Variants in CUX1 observed in about 807,000 individuals in gnomAD.
The protein encoded by CUX1 is cut like homeobox 1.
Under a neutral mutation model 158.8 loss-of-function variants are expected in CUX1, and 31 were observed. The ratio of observed to expected loss-of-function variants is 0.20; its 90% CI spans 0.15 to 0.26. CUX1 has a LOEUF of 0.26. Among genes scored for constraint, CUX1 ranks in the 10% least tolerant of loss-of-function variants. The pLI is 1.00. For missense variants in CUX1, 1,589 were observed against 2,014.6 expected, an observed-to-expected ratio of 0.79 and a Z score of 4.04; for synonymous variants, 879 against 862.1, an observed-to-expected ratio of 1.02 and a Z score of -0.34.
chr7:102,115,392 C>A, intron 8 of CUX1, 119 bp downstream of exon 8: 1 of 812,342 alleles, frequency 1.2e-6, no homozygotes, highest in Non-Finnish European at 2.0e-6. Flanking sequence ...CAGTGTATTT[C>A]CCATGAGTTA....
chr7:102,181,000 G>C (rs1793027597), intron 11 of CUX1, among the ~76,000 whole-genome samples: 1 of 150,892 alleles, frequency 6.6e-6, no homozygotes, highest in Non-Finnish European at 1.5e-5. Context: ...AGGGTGCGAT[G>C]GCGCCATCTC....
intron 1 of CUX1, among the ~76,000 whole-genome samples, chr7:101,867,634 G>A (rs1038057640): frequency 2.6e-5 from 4 of 152,194 alleles, no homozygotes; most frequent in Admixed American, 6.5e-5. Flanking sequence ...GCTGCTGCCC[G>A]TGGTGGCTCC....
intron 8 of CUX1, among the ~76,000 whole-genome samples, chr7:102,117,541 C>G (rs1170887809): frequency 6.6e-6 from 1 of 151,940 alleles, no homozygotes; most frequent in Non-Finnish European, 1.5e-5. Context: ...AAGGTGAGGG[C>G]CCCCTCGAGG....
At chr7:101,851,683 C>T (rs973246366) in intron 1 of CUX1, among the ~76,000 whole-genome samples, 2 of 152,154 alleles carry the variant, frequency 1.3e-5, no homozygotes, top group Non-Finnish European at 2.9e-5. Context: ...TTTTCTTCTT[C>T]TTCTCAGATT....
At chr7:101,995,271 C>T (rs1443434353) in intron 2 of CUX1, among the ~76,000 whole-genome samples, 1 of 152,196 alleles carries the variant, frequency 6.6e-6, no homozygotes, top group Non-Finnish European at 1.5e-5. Flanking sequence ...CGCCATGGCT[C>T]ACTTATCCCT....
chr7:101,865,744 C>T (rs1025987662), intron 1 of CUX1, among the ~76,000 whole-genome samples: 1 of 152,202 alleles, frequency 6.6e-6, no homozygotes, highest in Admixed American at 6.5e-5. Context: ...ACGGGACGTG[C>T]GCACTCATTC....
At chr7:102,197,839 A>G (rs1450654584) in intron 15 of CUX1, among the ~76,000 whole-genome samples, 1 of 152,136 alleles carries the variant, frequency 6.6e-6, no homozygotes, top group Non-Finnish European at 1.5e-5. Flanking sequence ...TCCATTAGTG[A>G]TTTGTTTAGC....
At position 102,043,323 on chromosome 7, in the gene CUX1, C is replaced by CTGTGTGTGTGTGTG. The variant is rs57276921; in HGVS notation, c.189+15212_189+15225dup. 1.3e-3 allele frequency among the ~76,000 whole-genome samples: 176 copies of CTGTGTGTGTGTGTG among 139,140 alleles called. 1 individual carries two copies. The highest frequency in any genetic ancestry group is 3.2e-3 in the African/African-American group (119 of 37,626). The allele number at this position is 139,140 out of a possible 152,430, so 91.3% of individuals were successfully genotyped here. On this transcript the variant is annotated intron_variant, in intron 3 of 23. Coordinates refer to ENST00000292535, the MANE Select transcript of CUX1 (RefSeq NM_181552.4). ...ATCTGACAACATACCCATTAGCTCA[C>CTGTGTGTGTGTGTG]TGTGTGTGTGTGTGTGTGTGTGTGT...
intron 19 of CUX1, among the ~76,000 whole-genome samples, chr7:102,280,529 C>T (rs1791983735): frequency 6.6e-6 from 1 of 152,210 alleles, no homozygotes; most frequent in African/African-American, 2.4e-5. Flanking sequence ...CCCACCCAGA[C>T]TGCAGAAGTT....
rs74490303 is a variant in CUX1 at position 101,863,076 on chromosome 7, A to G, written c.30+45407A>G. On this transcript the variant is annotated intron_variant, in intron 1 of 23. Transcript: ENST00000292535. ...ACTTAAATTTTGAAACAAATCCCAG[A>G]CATCATATCTTTTGCCATCCACAGA... Among the ~76,000 whole-genome samples, 1,144 of 152,256 alleles carry G rather than the reference A, an allele frequency of 7.5e-3. 19 individuals are homozygous for G. The highest frequency in any genetic ancestry group is 0.026 in the African/African-American group (1,100 of 41,540).
At chr7:102,037,823 G>A (rs1821618704) in intron 3 of CUX1, among the ~76,000 whole-genome samples, 1 of 152,008 alleles carries the variant, frequency 6.6e-6, no homozygotes, top group Non-Finnish European at 1.5e-5. Context: ...GGGAGGCTGA[G>A]GCAGGCGGAT....
intron 1 of CUX1, among the ~76,000 whole-genome samples, chr7:101,903,504 T>C (rs906697352): frequency 6.6e-6 from 1 of 152,180 alleles, no homozygotes; most frequent in African/African-American, 2.4e-5. Context: ...AACAGAGCAG[T>C]AAAGAATACT....
chr7:102,049,465 G>A (rs1226018323), intron 3 of CUX1, among the ~76,000 whole-genome samples: 1 of 152,190 alleles, frequency 6.6e-6, no homozygotes, highest in Non-Finnish European at 1.5e-5. Flanking sequence ...TGTAAAGCCT[G>A]AAGAGTGTCT....
At chr7:102,019,781 A>G (rs894867006) in intron 2 of CUX1, among the ~76,000 whole-genome samples, 9 of 152,196 alleles carry the variant, frequency 5.9e-5, no homozygotes, top group African/African-American at 2.2e-4. Context: ...AAATGGCACA[A>G]AGACATTTAA....
intron 1 of CUX1, among the ~76,000 whole-genome samples, chr7:101,856,789 G>A (rs528480870): frequency 1.3e-5 from 2 of 152,268 alleles, no homozygotes; most frequent in South Asian, 4.1e-4. Context: ...CCTTGTCATC[G>A]TTAAACTGAA....
chr7:101,885,604 G>C (rs1800141967), intron 1 of CUX1, among the ~76,000 whole-genome samples: 1 of 152,086 alleles, frequency 6.6e-6, no homozygotes, highest in Admixed American at 6.5e-5. Context: ...TTCTCCCCAG[G>C]AAGGCCCAGG....
At chr7:101,860,552 C>T (rs902542241) in intron 1 of CUX1, among the ~76,000 whole-genome samples, 20 of 152,250 alleles carry the variant, frequency 1.3e-4, no homozygotes, top group African/African-American at 4.6e-4. Flanking sequence ...CACCTGCTGT[C>T]ACCTGCCATC....
chr7:102,070,222 A>C, intron 3 of CUX1, 117 bp from the exon 4 acceptor site: 1 of 806,688 alleles, frequency 1.2e-6, no homozygotes, highest in South Asian at 1.7e-5. Flanking sequence ...GCTGAAGCCC[A>C]GTTGTCAAGC....
At chr7:101,911,946 C>T (rs1376129567) in intron 1 of CUX1, among the ~76,000 whole-genome samples, 2 of 152,170 alleles carry the variant, frequency 1.3e-5, no homozygotes, top group Non-Finnish European at 1.5e-5. Context: ...CGTTCTGGTG[C>T]CTCTCCTTGC....
Sources: allele counts gnomAD v4.1 joint callset (sites outside exome capture counted in the v4.1 genomes callset), GRCh38; gene constraint gnomAD v4.1.1; transcripts MANE v1.5; gene names NCBI Gene and HGNC (gene_info 2026-07-23, HGNC 2026-07-21).